CNTNAP5: variants seen among roughly 807,000 people sequenced by gnomAD.
The protein encoded by CNTNAP5 is contactin-associated protein-like 5.
In CNTNAP5, 72 loss-of-function variants were observed where a neutral mutation model predicts 150.2. The ratio of observed to expected loss-of-function variants is 0.48; its 90% confidence interval spans 0.40 to 0.58. The LOEUF is 0.58. Among genes scored for constraint, CNTNAP5 ranks in the 20% least tolerant of loss-of-function variants. The pLI, the probability that CNTNAP5 is intolerant of heterozygous loss-of-function variation, is 0.00. For synonymous variants in CNTNAP5, 672 were observed against 619.8 expected (o/e 1.08, Z -1.25); for missense variants, 1,636 against 1,626.2 (o/e 1.01, Z -0.10).
intron 3 of CNTNAP5, among the ~76,000 whole-genome samples, chr2:124,396,836 A>G (rs1390160335): frequency 6.6e-6 from 1 of 152,212 alleles, no homozygotes; most frequent in Non-Finnish European, 1.5e-5. Context: ...AACGATAACG[A>G]TAACAACTGT....
rs201671798 is a variant in CNTNAP5, at chr2:124,140,303, T to A, written c.83-81402T>A. Among the ~76,000 whole-genome samples, 523 of 151,900 alleles carry A rather than the reference T, an allele frequency of 3.4e-3. 11 individuals carry two copies. In the East Asian group the frequency reaches 0.041, roughly 12 times the overall value. On this transcript the variant is annotated intron_variant, in intron 1 of 23. Transcript: ENST00000682447. ...GAGCCCACCACAGCTCAAGGAGGCC[T>A]GCCTGCCTCTGTAGGCTCCACCTCT...
intron 13 of CNTNAP5, among the ~76,000 whole-genome samples, chr2:124,714,019 A>G (rs1346484386): frequency 6.6e-6 from 1 of 152,154 alleles, no homozygotes; most frequent in Non-Finnish European, 1.5e-5. Context: ...TATTTGGCCA[A>G]GAATGTCTTT....
intron 19 of CNTNAP5, among the ~76,000 whole-genome samples, chr2:124,852,413 G>A (rs1284616797): frequency 6.6e-6 from 1 of 152,168 alleles, no homozygotes; most frequent in Non-Finnish European, 1.5e-5. Context: ...TCCAAAGAAG[G>A]AGTGAGCTAG....
intron 13 of CNTNAP5, among the ~76,000 whole-genome samples, chr2:124,702,069 AC>A (rs1679532876): frequency 1.3e-5 from 2 of 152,012 alleles, no homozygotes; most frequent in South Asian, 2.1e-4. Flanking sequence ...TTTTCCTTCA[AC>A]TTTTCTGAGT....
intron 3 of CNTNAP5, among the ~76,000 whole-genome samples, chr2:124,279,274 G>C (rs995892832): frequency 5.3e-5 from 8 of 151,760 alleles, no homozygotes; most frequent in Non-Finnish European, 1.2e-4. Flanking sequence ...TTTTAAATTG[G>C]TGAGCTTGGC....
chr2:124,415,509 A>G (rs1691894870), intron 3 of CNTNAP5, among the ~76,000 whole-genome samples: 1 of 152,232 alleles, frequency 6.6e-6, no homozygotes, highest in Non-Finnish European at 1.5e-5. Context: ...GTCTTTGAAA[A>G]TGGATTTCAT....
At position 124,904,495 on chromosome 2, in the gene CNTNAP5, T is replaced by TA. The variant is rs933414743; in HGVS notation, c.3655+1405dup. Among the ~76,000 whole-genome samples, 852 of 144,152 alleles carry TA rather than the reference T, an allele frequency of 5.9e-3. 7 individuals are homozygous for TA. Among genetic ancestry groups the TA allele is most frequent in the African/African-American group, 0.016 (618 of 39,218 alleles). The allele number at this position is 144,152 out of a possible 152,430, so 94.6% of individuals were successfully genotyped here. A position where few individuals can be genotyped will look rare whatever the true frequency, so the allele number is the denominator to read the frequency against. On this transcript the variant is annotated intron_variant, in intron 22 of 23. Transcript: ENST00000682447. ...AAACTATATTGCAAAGCTGTAGTAA[T>TA]AAAAAAAAAAGCATAATACTGGCAT...
rs1201191727 is a variant in CNTNAP5 at position 124,585,675 on chromosome 2, T to TC, written c.1756+22352_1756+22353insC. 3.4e-5 allele frequency among the ~76,000 whole-genome samples: 5 copies of TC among 145,770 alleles called. No homozygotes were observed. In the East Asian group the frequency reaches 5.9e-4, roughly 17 times the overall value. On this transcript the variant is annotated intron_variant, in intron 11 of 23. Transcript: ENST00000682447. ...AGTCAGGGAGAGCTTGAAGCTTTTTTTTTTTTTTTTTTTTTTTTGAGTTAG... is the reference window on the plus strand; with the variant it reads ...AGTCAGGGAGAGCTTGAAGCTTTTTTCTTTTTTTTTTTTTTTTTTGAGTTAG...
At chr2:124,860,761 A>G (rs1274954737) in intron 19 of CNTNAP5, among the ~76,000 whole-genome samples, 1 of 151,942 alleles carries the variant, frequency 6.6e-6, no homozygotes, top group Non-Finnish European at 1.5e-5. Flanking sequence ...GGTAGGGCCT[A>G]TTGGATCAGT....
intron 3 of CNTNAP5, among the ~76,000 whole-genome samples, chr2:124,245,678 T>A (rs1687001202): frequency 6.7e-6 from 1 of 150,328 alleles, no homozygotes; most frequent in Admixed American, 6.7e-5. Flanking sequence ...AATATATATA[T>A]ACACACAAAT....
intron 3 of CNTNAP5, among the ~76,000 whole-genome samples, chr2:124,408,805 T>G (rs1312776110): frequency 1.3e-5 from 2 of 152,038 alleles, no homozygotes; most frequent in Non-Finnish European, 2.9e-5. Context: ...ACAGAAAATC[T>G]GGAAACTCTA....
chr2:124,530,246 G>A (rs961149322), intron 10 of CNTNAP5, among the ~76,000 whole-genome samples: 39 of 152,142 alleles, frequency 2.6e-4, no homozygotes, highest in African/African-American at 9.2e-4. Flanking sequence ...GGAGATGGAG[G>A]TTGCAATGAG....
chr2:124,171,878 G>T (rs928588745), intron 1 of CNTNAP5, among the ~76,000 whole-genome samples: 1 of 152,144 alleles, frequency 6.6e-6, no homozygotes. Flanking sequence ...GTCTCTTTCG[G>T]CCAGCTTATT....
chr2:124,358,804 T>C (rs1003631887), intron 3 of CNTNAP5, among the ~76,000 whole-genome samples: 19 of 151,684 alleles, frequency 1.3e-4, no homozygotes, highest in Non-Finnish European at 2.7e-4. Flanking sequence ...GGTATCAGAA[T>C]GATGCTGGCC....
In CNTNAP5 at chr2:124,798,251, G is replaced by T; in HGVS notation, c.3148G>T (p.Ala1050Ser). 6.2e-7 allele frequency: 1 copy of T among 1,613,894 alleles called. No homozygotes were observed. Among genetic ancestry groups the T allele is most frequent in the Non-Finnish European group, 8.5e-7 (1 of 1,179,832 alleles). Residue 1050 changes from alanine to serine, a missense_variant, in exon 19 of 24, where the codon GCA becomes TCA. Coordinates refer to ENST00000682447, the MANE Select transcript of CNTNAP5 (RefSeq NM_001367498.1). Reference sequence around the variant, plus strand: ...TGCACTTAGCTTTGTGACAACCCAGGCACCCAGTCTTTTGCTCTTTATCAA... The same window carrying T: ...TGCACTTAGCTTTGTGACAACCCAGTCACCCAGTCTTTTGCTCTTTATCAA... ...NIALSFVTTQ[A>S]PSLLLFINSS...
intron 3 of CNTNAP5, among the ~76,000 whole-genome samples, chr2:124,363,683 A>C (rs1249007036): frequency 6.6e-6 from 1 of 152,268 alleles, no homozygotes; most frequent in South Asian, 2.1e-4. Context: ...TGTTAAAAGG[A>C]TAGATCTCAT....
chr2:124,027,166 C>T (rs755342123), intron 1 of CNTNAP5, among the ~76,000 whole-genome samples: 10 of 152,164 alleles, frequency 6.6e-5, no homozygotes, highest in African/African-American at 2.4e-4. Flanking sequence ...GAGTTTTTTT[C>T]TTTTACTTCT....
chr2:124,229,547 A>C lies in CNTNAP5; in HGVS notation c.187+7738A>C, dbSNP rs115973511. ...TACTTTTGGAAAAAAGAAAAAACAA[A>C]CACAACAAAATACATTAAATTGGAG... On this transcript the variant is annotated intron_variant, in intron 2 of 23. Transcript: ENST00000682447. Among the ~76,000 whole-genome samples, 771 of 152,312 alleles carry C rather than the reference A, an allele frequency of 5.1e-3. 7 individuals carry two copies. The highest frequency in any genetic ancestry group is 0.018 in the African/African-American group (748 of 41,572).
At chr2:124,142,791 G>C (rs1293210049) in intron 1 of CNTNAP5, among the ~76,000 whole-genome samples, 1 of 148,452 alleles carries the variant, frequency 6.7e-6, no homozygotes, top group East Asian at 2.0e-4. Flanking sequence ...ACTAAAATCA[G>C]AGCAGAACTG....
Sources: gnomAD v4.1 joint callset for allele counts (sites outside exome capture counted in the v4.1 genomes callset) on GRCh38, gnomAD v4.1.1 for gene constraint, MANE v1.5 for transcripts, NCBI Gene and HGNC (gene_info 2026-07-23, HGNC 2026-07-21) for gene names.